MAP3K5: variants seen among roughly 807,000 people sequenced by gnomAD.
MAP3K5 encodes the protein ASK-1.
A neutral mutation model predicts 158.7 loss-of-function variants in MAP3K5; 56 were observed. That is an observed-to-expected ratio of 0.35 (90% CI 0.28 to 0.44). The LOEUF (loss-of-function observed/expected upper bound fraction) is 0.44. MAP3K5 is among the 20% of genes least tolerant of loss of function. The pLI is 1.00. For missense variants in MAP3K5, 1,294 were observed against 1,674.8 expected, an observed-to-expected ratio of 0.77 and a Z score of 3.97; for synonymous variants, 579 against 601.7, an observed-to-expected ratio of 0.96 and a Z score of 0.55.
At chr6:136,792,642 C>A (rs1785140546), upstream of MAP3K5, 1 of 153,046 alleles carries the variant, frequency 6.5e-6, no homozygotes, top group Non-Finnish European at 1.5e-5. The surrounding 1 kb of genome is among the most constrained non-coding windows in gnomAD (Gnocchi z 5.7). Context: ...ACCTGGCGCG[C>A]ACCTTACGAG....
chr6:136,708,842 T>G (rs148833551), intron 2 of MAP3K5, among the ~76,000 whole-genome samples: 87 of 152,282 alleles, frequency 5.7e-4, no homozygotes, highest in African/African-American at 2.0e-3. Flanking sequence ...CTATGGAGCA[T>G]CTCTCCAGAG....
intron 1 of MAP3K5, among the ~76,000 whole-genome samples, chr6:136,778,614 G>A (rs1433420174): frequency 1.3e-5 from 2 of 152,154 alleles, no homozygotes; most frequent in Admixed American, 1.3e-4. Context: ...CTGATGTGAT[G>A]CCTGTAATCA....
At chr6:136,597,172 T>C (rs926462883) in intron 21 of MAP3K5, among the ~76,000 whole-genome samples, 1 of 152,114 alleles carries the variant, frequency 6.6e-6, no homozygotes, top group Non-Finnish European at 1.5e-5. Flanking sequence ...CAGGGGCTGA[T>C]GGGAAGGGGT....
intron 29 of MAP3K5, among the ~76,000 whole-genome samples, chr6:136,558,213 CTAAAAATACA>C (rs1007964374): frequency 6.6e-6 from 1 of 152,034 alleles, no homozygotes; most frequent in African/African-American, 2.4e-5. Context: ...CCCGTCTCTA[CTAAAAATACA>C]AAAAAATTAG....
intron 8 of MAP3K5, among the ~76,000 whole-genome samples, chr6:136,659,879 A>G (rs1341009379): frequency 1.3e-5 from 2 of 152,238 alleles, no homozygotes; most frequent in Admixed American, 6.5e-5. Flanking sequence ...CGTACATTTT[A>G]TCACAATAAA....
intron 2 of MAP3K5, among the ~76,000 whole-genome samples, chr6:136,712,563 T>C (rs554167202): frequency 2.6e-5 from 4 of 152,348 alleles, no homozygotes; most frequent in African/African-American, 9.6e-5. Flanking sequence ...CAACACCTAA[T>C]TGGGTCACAT....
chr6:136,657,042 A>T (rs1272313054), intron 9 of MAP3K5, among the ~76,000 whole-genome samples: 1 of 152,208 alleles, frequency 6.6e-6, no homozygotes, highest in Non-Finnish European at 1.5e-5. Flanking sequence ...CTAGGGCCAT[A>T]CATCTAGTTA....
intron 1 of MAP3K5, among the ~76,000 whole-genome samples, chr6:136,769,678 A>G (rs1322758355): frequency 6.8e-6 from 1 of 147,632 alleles, no homozygotes; most frequent in Non-Finnish European, 1.5e-5. Flanking sequence ...TTTTATCCCT[A>G]ACGTCTGGCA....
intron 25 of MAP3K5, among the ~76,000 whole-genome samples, chr6:136,568,722 A>C (rs1774228405): frequency 6.6e-6 from 1 of 151,868 alleles, no homozygotes; most frequent in Admixed American, 6.6e-5. Context: ...AAAATACAAA[A>C]ATTAGCCGGA....
intron 8 of MAP3K5, among the ~76,000 whole-genome samples, chr6:136,666,466 T>C (rs948849798): frequency 1.3e-5 from 2 of 152,148 alleles, no homozygotes; most frequent in African/African-American, 4.8e-5. Flanking sequence ...AATTTGTATG[T>C]TTGCAGAGGC....
chr6:136,720,038 T>C, intron 2 of MAP3K5, among the ~76,000 whole-genome samples: 1 of 152,172 alleles, frequency 6.6e-6, no homozygotes, highest in East Asian at 1.9e-4. Flanking sequence ...AGGCAACTAT[T>C]TGGGTATACT....
Position 136,605,205 on chromosome 6 carries a change from T to A in MAP3K5, c.2679+4A>T. 6.2e-7 allele frequency: 1 copy of A among 1,611,006 alleles called. No homozygotes were observed. Among genetic ancestry groups the A allele is most frequent in the East Asian group, 2.2e-5 (1 of 44,868 alleles). On this transcript the variant is annotated splice_donor_region_variant and intron_variant, in intron 19 of 29. Coordinates refer to ENST00000359015, the MANE Select transcript of MAP3K5 (RefSeq NM_005923.4). Reference sequence around the variant, plus strand: ...ATTTGTTTTTAAGAGAAATGAAGTGTGACCTTGAACATAGCTGCTTGTGGT... The same window carrying A: ...ATTTGTTTTTAAGAGAAATGAAGTGAGACCTTGAACATAGCTGCTTGTGGT...
chr6:136,566,412 CAAA>C (rs1157135507), intron 26 of MAP3K5, among the ~76,000 whole-genome samples: 5 of 149,722 alleles, frequency 3.3e-5, no homozygotes, highest in Non-Finnish European at 7.5e-5. Flanking sequence ...AGCAGGAGTC[CAAA>C]AAACACCACC....
chr6:136,669,906 T>C (rs1014023137), intron 7 of MAP3K5, among the ~76,000 whole-genome samples: 4 of 151,484 alleles, frequency 2.6e-5, no homozygotes, highest in Admixed American at 1.3e-4. Context: ...TGTGTGTGTG[T>C]GTGTGTGTGT....
intron 25 of MAP3K5, among the ~76,000 whole-genome samples, chr6:136,578,597 T>C (rs1420879932): frequency 6.6e-6 from 1 of 150,624 alleles, no homozygotes; most frequent in African/African-American, 2.4e-5. Flanking sequence ...CTCGGTGGCC[T>C]GAAGAATGCA....
At chr6:136,651,861 C>T (rs1319971306) in intron 10 of MAP3K5, among the ~76,000 whole-genome samples, 2 of 152,076 alleles carry the variant, frequency 1.3e-5, no homozygotes, top group African/African-American at 4.8e-5. Context: ...TAAAATAACA[C>T]ACATGCCCTG....
At chr6:136,585,310 G>A (rs1025537554) in intron 23 of MAP3K5, among the ~76,000 whole-genome samples, 8 of 150,996 alleles carry the variant, frequency 5.3e-5, no homozygotes, top group African/African-American at 1.9e-4. Flanking sequence ...TAGAGACTGG[G>A]TTTTGCTAAG....
intron 12 of MAP3K5, among the ~76,000 whole-genome samples, chr6:136,642,011 A>AAAAT (rs1344191758): frequency 8.6e-6 from 1 of 115,910 alleles, no homozygotes; most frequent in Non-Finnish European, 1.7e-5. Context: ...AAAATAAAAT[A>AAAAT]AAATAAATAA....
In MAP3K5 at chr6:136,639,524, C is replaced by A. The variant is rs1777819424; in HGVS notation, c.1934+19G>T. 2.2e-6 allele frequency: 3 copies of A among 1,394,818 alleles called. No individual in the cohort carries two copies. The South Asian group carries it at 3.7e-5, about 17-fold the overall frequency. 86.4% of individuals were successfully genotyped at this position (1,394,818 alleles called of 1,614,324 possible). A position where few individuals can be genotyped will look rare whatever the true frequency, so the allele number is the denominator to read the frequency against. ...TCAGGTAAGAAGAATCTTTTTCACACACAATGACTAATACGTACTTTTTAC... is the reference window on the plus strand; with the variant it reads ...TCAGGTAAGAAGAATCTTTTTCACAAACAATGACTAATACGTACTTTTTAC... On this transcript the variant is annotated intron_variant, in intron 13 of 29. Transcript: ENST00000359015.
Sources: allele counts gnomAD v4.1 joint callset (sites outside exome capture counted in the v4.1 genomes callset), GRCh38; gene constraint gnomAD v4.1.1; non-coding constraint Gnocchi (gnomAD v3.1); transcripts MANE v1.5; gene names NCBI Gene and HGNC (gene_info 2026-07-23, HGNC 2026-07-21).